The following PSTPIP2 variants were observed in gnomAD, a reference collection of about 807,000 sequenced individuals.
PSTPIP2 encodes proline-serine-threonine phosphatase interacting protein 2, also known as proline-serine-threonine phosphatase-interacting protein 2.
PSTPIP2 carries 33 observed loss-of-function variants against 63.3 expected under a neutral mutation model. The ratio of observed to expected loss-of-function variants is 0.52; its 90% CI spans 0.40 to 0.70. The LOEUF (loss-of-function observed/expected upper bound fraction) is 0.70. Among genes scored for constraint, PSTPIP2 ranks in the 30% least tolerant of loss-of-function variants. The probability of loss-of-function intolerance (pLI) is 0.00; values close to 1 mark genes in which losing one functional copy is unlikely to be tolerated. For missense variants in PSTPIP2, 312 were observed against 400.7 expected, an observed-to-expected ratio of 0.78 and a Z score of 1.89; for synonymous variants, 125 against 132.7, an observed-to-expected ratio of 0.94 and a Z score of 0.40.
At chr18:45,997,674 C>A (rs369221828) in intron 9 of PSTPIP2, 75 bp downstream of exon 9, 6 of 280,752 alleles carry the variant, frequency 2.1e-5, no homozygotes, top group East Asian at 1.1e-4. Flanking sequence ...CTCCCCCCCC[C>A]GTCCTGAGCA....
At chr18:46,029,610 G>T in intron 2 of PSTPIP2, 2 of 768,084 alleles carry the variant, frequency 2.6e-6, no homozygotes, top group South Asian at 2.7e-5. Context: ...AAGCTATAAT[G>T]AACTTGGTTA....
intron 1 of PSTPIP2, among the ~76,000 whole-genome samples, chr18:46,064,352 G>A (rs58472688): frequency 2.3e-5 from 3 of 133,022 alleles, no homozygotes; most frequent in Admixed American, 1.7e-4. Context: ...GTGCAGCGGA[G>A]TGACCTTGGC....
intron 5 of PSTPIP2, 86 bp from the exon 6 acceptor site, chr18:46,005,617 G>T: frequency 9.8e-7 from 1 of 1,025,482 alleles, no homozygotes. Context: ...AGCTTATCTT[G>T]AGGGTTAAGT....
intron 3 of PSTPIP2, among the ~76,000 whole-genome samples, chr18:46,020,149 C>T (rs1444882009): frequency 6.6e-6 from 1 of 152,190 alleles, no homozygotes; most frequent in Non-Finnish European, 1.5e-5. Flanking sequence ...GACAAAATGA[C>T]ATTCCAGGAA....
chr18:46,021,791 C>T (rs1223242694), intron 3 of PSTPIP2, among the ~76,000 whole-genome samples: 3 of 102,490 alleles, frequency 2.9e-5, no homozygotes, highest in African/African-American at 1.2e-4. Flanking sequence ...ACTAAAAATA[C>T]AAAAAATTAG....
intron 1 of PSTPIP2, among the ~76,000 whole-genome samples, chr18:46,069,649 T>C (rs1158058700): frequency 6.6e-6 from 1 of 152,250 alleles, no homozygotes; most frequent in Non-Finnish European, 1.5e-5. Flanking sequence ...AATATTTTCA[T>C]GAAGCATTTA....
intron 4 of PSTPIP2, among the ~76,000 whole-genome samples, chr18:46,012,736 G>A (rs2051812986): frequency 6.6e-6 from 1 of 152,212 alleles, no homozygotes. Flanking sequence ...TTGTGCCACT[G>A]CACTTCAGCC....
intron 3 of PSTPIP2, among the ~76,000 whole-genome samples, chr18:46,020,405 A>C (rs1907303376): frequency 6.6e-6 from 1 of 152,194 alleles, no homozygotes; most frequent in East Asian, 1.9e-4. Flanking sequence ...CTGTAATCCC[A>C]GCACTTTGGG....
intron 1 of PSTPIP2, among the ~76,000 whole-genome samples, chr18:46,057,064 A>T (rs1908783207): frequency 6.6e-6 from 1 of 151,926 alleles, no homozygotes; most frequent in African/African-American, 2.4e-5. Flanking sequence ...AGATCAGGGC[A>T]TTGCACTCCA....
intron 1 of PSTPIP2, among the ~76,000 whole-genome samples, chr18:46,066,199 G>C (rs1909184470): frequency 1.3e-5 from 2 of 151,988 alleles, no homozygotes; most frequent in African/African-American, 4.8e-5. Flanking sequence ...AATTAACCAG[G>C]CGTGGTGGCA....
chr18:46,058,853 A>G (rs907205007), intron 1 of PSTPIP2, among the ~76,000 whole-genome samples: 1 of 152,100 alleles, frequency 6.6e-6, no homozygotes, highest in African/African-American at 2.4e-5. Flanking sequence ...TGGCCTTGCC[A>G]CAGGCAGGTG....
intron 1 of PSTPIP2, among the ~76,000 whole-genome samples, chr18:46,062,174 C>T (rs987329474): frequency 1.3e-5 from 2 of 152,144 alleles, no homozygotes; most frequent in African/African-American, 4.8e-5. Context: ...CTACCCTGAA[C>T]AGCTTATTCA....
chr18:46,005,528 C>G lies in PSTPIP2; in HGVS notation c.358G>C (p.Glu120Gln), dbSNP rs753552580. 6.3e-7 allele frequency: 1 copy of G among 1,591,182 alleles called. No individual in the cohort carries two copies. The highest frequency in any genetic ancestry group is 1.1e-5 in the South Asian group (1 of 89,304). The change falls in exon 6 of 15, where the codon GAG (glutamate) becomes CAG (glutamine). Residue 120 changes from glutamate (E) to glutamine (Q), a missense_variant. Glu to Gln is a conservative substitution (Grantham distance 29). Transcript: ENST00000409746. Reference protein sequence around the residue: ...EKQKLQRKKTELIMDAIHKQK... With the variant: ...EKQKLQRKKTQLIMDAIHKQK... ...TTATGGATAGCATCCATTATGAGCT[C>G]TGTCTGTAAAGAGATCATAAACACT...
At chr18:46,026,641 C>G (rs1408371905) in intron 2 of PSTPIP2, among the ~76,000 whole-genome samples, 1 of 152,102 alleles carries the variant, frequency 6.6e-6, no homozygotes, top group Non-Finnish European at 1.5e-5. Flanking sequence ...TTTGGGAGGC[C>G]AAGACGGGAG....
chr18:46,060,400 A>C (rs112407480), intron 1 of PSTPIP2, among the ~76,000 whole-genome samples: 1 of 152,250 alleles, frequency 6.6e-6, no homozygotes, highest in African/African-American at 2.4e-5. Context: ...ACTATGACGT[A>C]CTTTATCATT....
intron 2 of PSTPIP2, among the ~76,000 whole-genome samples, chr18:46,027,271 G>T (rs950713733): frequency 1.3e-5 from 2 of 149,560 alleles, no homozygotes; most frequent in South Asian, 4.2e-4. Flanking sequence ...CTCCAGCCTG[G>T]GCGACAAGAG....
At chr18:46,030,091 G>A (rs551382578) in intron 2 of PSTPIP2, among the ~76,000 whole-genome samples, 8 of 151,940 alleles carry the variant, frequency 5.3e-5, no homozygotes, top group Non-Finnish European at 8.8e-5. Flanking sequence ...TCCAGCCTCC[G>A]TGACAAGAAC....
At chr18:46,004,581 A>G (rs2051704566) in intron 6 of PSTPIP2, among the ~76,000 whole-genome samples, 1 of 152,262 alleles carries the variant, frequency 6.6e-6, no homozygotes. Context: ...TGCAAATTCT[A>G]TAAGATAAAG....
intron 3 of PSTPIP2, 141 bp downstream of exon 3, chr18:46,024,468 A>G (rs759030448): frequency 1.0e-4 from 73 of 712,132 alleles, no homozygotes; most frequent in Middle Eastern, 9.9e-4. Flanking sequence ...CAGCCTGGAC[A>G]AAATAGTGAG....
Sources: allele counts gnomAD v4.1 joint callset (sites outside exome capture counted in the v4.1 genomes callset), GRCh38; gene constraint gnomAD v4.1.1; transcripts MANE v1.5; gene names NCBI Gene and HGNC (gene_info 2026-07-23, HGNC 2026-07-21).